Variants in EP400 observed in about 807,000 individuals in gnomAD.
The protein encoded by EP400 is E1A-binding protein p400.
EP400 carries 105 observed loss-of-function variants against 354.1 expected under a neutral mutation model. That is an observed-to-expected ratio of 0.30 (90% CI 0.25 to 0.35). The LOEUF is 0.35. Ranked by LOEUF, EP400 falls within the 10% of genes least tolerant of loss-of-function variation. The pLI is 1.00. For missense variants in EP400, 3,280 were observed against 4,121.0 expected, an observed-to-expected ratio of 0.80 and a Z score of 5.59; for synonymous variants, 1,646 against 1,716.9, an observed-to-expected ratio of 0.96 and a Z score of 1.02.
chr12:131,973,858 T>C (rs1332179396), intron 2 of EP400, among the ~76,000 whole-genome samples: 4 of 152,188 alleles, frequency 2.6e-5, no homozygotes. Flanking sequence ...GTTATTTATG[T>C]CTTATAAAAA....
intron 2 of EP400, among the ~76,000 whole-genome samples, chr12:131,963,303 A>G (rs970096690): frequency 9.9e-5 from 15 of 152,208 alleles, no homozygotes; most frequent in Non-Finnish European, 1.8e-4. Flanking sequence ...TGCAGAATCT[A>G]AAGATATTGC....
At chr12:132,076,941 G>A (rs910734122) in intron 52 of EP400, among the ~76,000 whole-genome samples, 4 of 152,250 alleles carry the variant, frequency 2.6e-5, no homozygotes, top group African/African-American at 9.6e-5. Flanking sequence ...GAGCAGAGGC[G>A]CTGTGGGCAC....
chr12:132,076,740 A>T (rs1896250882), intron 52 of EP400, 147 bp downstream of exon 52: 3 of 734,290 alleles, frequency 4.1e-6, no homozygotes, highest in Admixed American at 2.9e-5. Context: ...AGATACACTT[A>T]ATAATGAGAA....
chr12:132,048,176 T>C (rs1178988471), intron 39 of EP400, among the ~76,000 whole-genome samples: 1 of 152,148 alleles, frequency 6.6e-6, no homozygotes, highest in Non-Finnish European at 1.5e-5. Context: ...TGAGGCGACA[T>C]ACATCCCCCT....
Position 132,053,139 on chromosome 12 carries a change from C to T in EP400, c.7395-7C>T, listed in dbSNP as rs1320076862. On this transcript the variant is annotated splice_polypyrimidine_tract_variant and splice_region_variant and intron_variant, in intron 41 of 52. Coordinates refer to ENST00000389561, the MANE Select transcript of EP400 (RefSeq NM_015409.5). ...GTATGTTTTTAACCTTTGCGTCTGT[C>T]TTTCAGTGGAATCAACTATGACAAG... The T allele has an allele frequency of 2.5e-6, 4 of 1,614,078 alleles. No homozygotes were observed. The highest frequency in any genetic ancestry group is 3.4e-6 in the Non-Finnish European group (4 of 1,179,988).
At chr12:132,056,490 T>G (rs888377099) in intron 45 of EP400, among the ~76,000 whole-genome samples, 4 of 152,066 alleles carry the variant, frequency 2.6e-5, no homozygotes, top group Non-Finnish European at 5.9e-5. Flanking sequence ...AATTCAGTGG[T>G]GAACAGACTG....
At chr12:132,014,632 TG>T (rs2136534610) in intron 19 of EP400, among the ~76,000 whole-genome samples, 1 of 152,330 alleles carries the variant, frequency 6.6e-6, no homozygotes, top group Admixed American at 6.5e-5. Flanking sequence ...CACTCTCTGC[TG>T]GGGGTGTGGC....
chr12:131,988,159 A>T (rs1252220126), intron 7 of EP400, among the ~76,000 whole-genome samples: 1 of 151,798 alleles, frequency 6.6e-6, no homozygotes, highest in Non-Finnish European at 1.5e-5. Context: ...GGCGTGAACC[A>T]CTGTGCCTGG....
At chr12:132,048,119 A>G (rs889320527) in intron 39 of EP400, among the ~76,000 whole-genome samples, 12 of 152,180 alleles carry the variant, frequency 7.9e-5, no homozygotes, top group Admixed American at 5.9e-4. Flanking sequence ...TCAAACACAC[A>G]TGCTCTACAA....
chr12:132,043,133 C>G (rs928210211), intron 32 of EP400, among the ~76,000 whole-genome samples, 171 bp from the exon 33 acceptor site: 10 of 152,170 alleles, frequency 6.6e-5, no homozygotes, highest in African/African-American at 2.2e-4. Context: ...TCCCTAAGTG[C>G]CTTATCATTT....
rs1031074986 is a variant in EP400, at chr12:131,990,369, G to T, written c.2550+265G>T. Among the ~76,000 whole-genome samples the T allele has an allele frequency of 6.6e-6, 1 of 152,176 alleles. No individual in the cohort carries two copies. The highest frequency in any genetic ancestry group is 1.5e-5 in the Non-Finnish European group (1 of 68,038). ...GGAGGGGCTCTGGGCATTGTTTCAG[G>T]GTTAGCGTGAGTCACCACCACGGTT... is the stretch of plus-strand genomic sequence containing the variant. On this transcript the variant is annotated intron_variant, in intron 8 of 52. Coordinates refer to ENST00000389561, the MANE Select transcript of EP400 (RefSeq NM_015409.5). The surrounding 1 kb of genome is among the most constrained non-coding windows in gnomAD (Gnocchi z 4.2).
At position 131,988,524 on chromosome 12, in the gene EP400, C is replaced by T. The variant is rs532889851; in HGVS notation, c.2409+634C>T. On this transcript the variant is annotated intron_variant, in intron 7 of 52. Coordinates refer to ENST00000389561, the MANE Select transcript of EP400 (RefSeq NM_015409.5). ...TAGGCTTTCCTGCCTGGCCACACGG[C>T]CTCCTGCCCTTCCTCCTGGGCTTCT... Among the ~76,000 whole-genome samples, 6 of 152,312 alleles carry T rather than the reference C, an allele frequency of 3.9e-5. No individual in the cohort carries two copies. In the East Asian group the frequency reaches 7.7e-4, roughly 20 times the overall value.
chr12:132,011,382 C>T (rs563338789), intron 15 of EP400, 116 bp from the exon 16 acceptor site: 42 of 1,296,986 alleles, frequency 3.2e-5, no homozygotes, highest in Non-Finnish European at 3.8e-5. Flanking sequence ...CTCAGTCGTG[C>T]GATGGCTCAT....
At chr12:132,035,146 C>G (rs1466607755) in intron 30 of EP400, among the ~76,000 whole-genome samples, 1 of 152,200 alleles carries the variant, frequency 6.6e-6, no homozygotes, top group Non-Finnish European at 1.5e-5. Flanking sequence ...GCCGCTCCAG[C>G]TCACTGGTCT....
At position 132,062,339 on chromosome 12, in the gene EP400, G is replaced by T. The variant is rs775983830; in HGVS notation, c.8098+16G>T. The T allele has an allele frequency of 5.0e-6, 8 of 1,613,656 alleles. No individual in the cohort carries two copies. The South Asian group carries it at 8.8e-5, about 18-fold the overall frequency. On this transcript the variant is annotated intron_variant, in intron 46 of 52. Transcript: ENST00000389561. The stretch of plus-strand genomic sequence containing the variant: ...GTGTCCCAAGGTAAAGCCAGGCTGG[G>T]AGCTTTCTCTGCCACACGTCTGCTC...
chr12:132,044,694 T>C lies in EP400; in HGVS notation c.6609T>C (p.Asp2203=), dbSNP rs1303800139. ...AGGAGTATGTCTACGAAGATGTCGA[T>C]GGGCAGACAGAAGTCATGCCGGTGA... is the stretch of plus-strand genomic sequence containing the variant. ...YSMEYVYEDV[D]GQTEVMPLWT... The change falls in exon 36 of 53, where the codon GAT becomes GAC. Residue 2203 remains aspartate (D), a synonymous_variant. Coordinates refer to ENST00000389561, the MANE Select transcript of EP400 (RefSeq NM_015409.5). 6.2e-7 allele frequency: 1 copy of C among 1,614,208 alleles called. No individual in the cohort carries two copies. Among genetic ancestry groups the C allele is most frequent in the South Asian group, 1.1e-5 (1 of 91,086 alleles).
intron 15 of EP400, 120 bp from the exon 16 acceptor site, chr12:132,011,378 C>A: frequency 3.2e-6 from 4 of 1,251,642 alleles, no homozygotes; most frequent in Non-Finnish European, 4.4e-6. Flanking sequence ...CTGCCTCAGT[C>A]GTGCGATGGC....
chr12:132,026,588 G>A (rs1424582216), intron 25 of EP400, among the ~76,000 whole-genome samples: 2 of 152,108 alleles, frequency 1.3e-5, no homozygotes, highest in East Asian at 3.9e-4. Flanking sequence ...AGGTTTTGCC[G>A]CTACCCCCAG....
intron 10 of EP400, 138 bp from the exon 11 acceptor site, chr12:131,992,035 A>AC: frequency 1.2e-6 from 1 of 831,598 alleles, no homozygotes; most frequent in South Asian, 1.4e-5. Flanking sequence ...CCCTGCCCCG[A>AC]CCCCAAATGG....
Sources: allele counts gnomAD v4.1 joint callset (sites outside exome capture counted in the v4.1 genomes callset), GRCh38; gene constraint gnomAD v4.1.1; non-coding constraint Gnocchi (gnomAD v3.1); transcripts MANE v1.5; gene names NCBI Gene and HGNC (gene_info 2026-07-23, HGNC 2026-07-21).